EYS: variants seen among roughly 807,000 people sequenced by gnomAD.
EYS encodes EGF-like photoreceptor maintenance factor.
In EYS, 250 loss-of-function variants were observed where a neutral mutation model predicts 282.1. That is an observed-to-expected ratio of 0.89 (90% CI 0.80 to 0.98). The LOEUF (loss-of-function observed/expected upper bound fraction) is 0.98, where lower values mean the gene tolerates loss of function less well. EYS is among the 50% of genes least tolerant of loss of function. EYS has a pLI of 0.00. For synonymous variants in EYS, 1,355 were observed against 1,282.9 expected, an observed-to-expected ratio of 1.06 and a Z score of -1.20; for missense variants, 4,016 against 3,709.0, an observed-to-expected ratio of 1.08 and a Z score of -2.15.
chr6:64,629,216 T>C (rs1767704351), intron 22 of EYS, among the ~76,000 whole-genome samples: 1 of 152,156 alleles, frequency 6.6e-6, no homozygotes, highest in Non-Finnish European at 1.5e-5. Flanking sequence ...ATTCCCATGG[T>C]TACACTGGTG....
At chr6:64,019,940 A>G (rs1387549024) in intron 33 of EYS, among the ~76,000 whole-genome samples, 1 of 150,586 alleles carries the variant, frequency 6.6e-6, no homozygotes, top group African/African-American at 2.4e-5. Context: ...TTTGGGTTTA[A>G]CAAATACCTC....
intron 35 of EYS, among the ~76,000 whole-genome samples, chr6:63,936,312 C>T (rs1765055632): frequency 1.3e-5 from 2 of 152,226 alleles, no homozygotes; most frequent in African/African-American, 2.4e-5. Context: ...ATTCACTTGT[C>T]TCAGAATTCC....
At chr6:64,670,722 C>A (rs1403654237) in intron 22 of EYS, among the ~76,000 whole-genome samples, 1 of 152,100 alleles carries the variant, frequency 6.6e-6, no homozygotes, top group Non-Finnish European at 1.5e-5. Context: ...TGTCCTAGTG[C>A]CAAAAAATGG....
chr6:64,406,654 G>C (rs1013045093), intron 28 of EYS, among the ~76,000 whole-genome samples: 1 of 152,172 alleles, frequency 6.6e-6, no homozygotes, highest in Non-Finnish European at 1.5e-5. Flanking sequence ...CGAAGGATAT[G>C]AACAGACACT....
At chr6:65,499,901 G>A (rs1303359655) in intron 2 of EYS, among the ~76,000 whole-genome samples, 1 of 151,884 alleles carries the variant, frequency 6.6e-6, no homozygotes, top group African/African-American at 2.4e-5. Flanking sequence ...TCCTTCTTTA[G>A]TACACTGTCT....
intron 5 of EYS, among the ~76,000 whole-genome samples, chr6:65,482,283 A>G (rs964736127): frequency 3.9e-5 from 6 of 152,176 alleles, no homozygotes; most frequent in Non-Finnish European, 7.3e-5. Flanking sequence ...CATTTGCCAT[A>G]AATTATCATT....
Position 64,081,914 on chromosome 6 carries a change from T to A in EYS, c.6513A>T (p.Arg2171Ser). The A allele has an allele frequency of 1.3e-6, 2 of 1,542,270 alleles. No individual in the cohort carries two copies. The highest frequency in any genetic ancestry group is 1.8e-6 in the Non-Finnish European group (2 of 1,139,008). The change falls in exon 32 of 43, where the codon AGA becomes AGT. Residue 2171 changes from arginine (R) to serine (S), a missense_variant. Coordinates refer to ENST00000503581, the MANE Select transcript of EYS (RefSeq NM_001142800.2). ...LKFVLEKEHN[R>S]TVTIYLTIKT... ...TTATAGTCAAGTAGATGGTAACAGT[T>A]CTGTTATGTTCCTTCTCCAGGACAA...
Position 65,005,546 on chromosome 6 carries a change from C to T in EYS, c.2138-7843G>A, listed in dbSNP as rs1410291627. On this transcript the variant is annotated intron_variant, in intron 13 of 42. Transcript: ENST00000503581. ...AAGTGGTAATGTTGGACCACTTTCGCTTGCTATTCTGTCCTATCCTTCCTT... is the reference window on the plus strand; with the variant it reads ...AAGTGGTAATGTTGGACCACTTTCGTTTGCTATTCTGTCCTATCCTTCCTT... Among the ~76,000 whole-genome samples the T allele has an allele frequency of 1.4e-5, 2 of 147,470 alleles. 1 individual carries two copies. The highest frequency in any genetic ancestry group is 4.3e-4 in the East Asian group (2 of 4,678).
At chr6:63,742,954 C>G (rs746903110) in intron 41 of EYS, among the ~76,000 whole-genome samples, 1 of 151,826 alleles carries the variant, frequency 6.6e-6, no homozygotes, top group Non-Finnish European at 1.5e-5. Flanking sequence ...TTTGTGTGGA[C>G]GTAAGTTTTC....
intron 13 of EYS, among the ~76,000 whole-genome samples, chr6:65,028,538 T>G (rs1349441498): frequency 1.3e-5 from 2 of 152,052 alleles, no homozygotes; most frequent in East Asian, 3.8e-4. Context: ...ATTTTTAGTA[T>G]AGTTTTCACA....
intron 21 of EYS, 140 bp from the exon 22 acceptor site, chr6:64,813,717 T>TA (rs1191914936): frequency 7.3e-5 from 38 of 519,988 alleles, no homozygotes; most frequent in African/African-American, 6.2e-4. Context: ...TTAATTGAAA[T>TA]ATATGTTTAT....
chr6:64,151,317 T>TATA (rs1774704033), intron 31 of EYS, among the ~76,000 whole-genome samples: 28 of 52,424 alleles, frequency 5.3e-4, no homozygotes, highest in Admixed American at 7.9e-4. Context: ...GTGTGTATAT[T>TATA]TATATATATA....
intron 26 of EYS, among the ~76,000 whole-genome samples, chr6:64,472,154 T>A (rs1364731170): frequency 6.6e-6 from 1 of 152,192 alleles, no homozygotes; most frequent in African/African-American, 2.4e-5. Context: ...CAAATTAAAA[T>A]ACAAGTCAAA....
chr6:64,179,665 C>A (rs1764735430), intron 31 of EYS, among the ~76,000 whole-genome samples: 1 of 152,046 alleles, frequency 6.6e-6, no homozygotes, highest in African/African-American at 2.4e-5. Context: ...GTTATAAAAT[C>A]TTAAATTCTA....
intron 31 of EYS, among the ~76,000 whole-genome samples, chr6:64,213,008 A>T (rs1765826262): frequency 6.6e-6 from 1 of 152,140 alleles, no homozygotes; most frequent in Non-Finnish European, 1.5e-5. Context: ...CTAACACAGG[A>T]ACAGAAAACC....
At chr6:65,214,043 C>A (rs1441535371) in intron 12 of EYS, among the ~76,000 whole-genome samples, 1 of 151,392 alleles carries the variant, frequency 6.6e-6, no homozygotes, top group African/African-American at 2.4e-5. Flanking sequence ...CCTGTAGTCC[C>A]AGCTACTCGG....
At chr6:63,756,475 C>A (rs571671291) in intron 41 of EYS, among the ~76,000 whole-genome samples, 1 of 152,298 alleles carries the variant, frequency 6.6e-6, no homozygotes, top group African/African-American at 2.4e-5. Flanking sequence ...AGGGATGAAG[C>A]CAACTTGATC....
chr6:64,188,269 CAAAG>C (rs1211038923), intron 31 of EYS, among the ~76,000 whole-genome samples: 1 of 151,952 alleles, frequency 6.6e-6, no homozygotes, highest in Non-Finnish European at 1.5e-5. Flanking sequence ...GGTTTTAGCT[CAAAG>C]AAAATTTGCA....
chr6:64,053,846 C>A (rs1354002247), intron 33 of EYS, among the ~76,000 whole-genome samples: 12 of 152,068 alleles, frequency 7.9e-5, no homozygotes, highest in Non-Finnish European at 1.5e-5. Flanking sequence ...TAGGTTTGAG[C>A]CAATTTTCTA....
Sources: allele counts gnomAD v4.1 joint callset (sites outside exome capture counted in the v4.1 genomes callset), GRCh38; gene constraint gnomAD v4.1.1; transcripts MANE v1.5; gene names NCBI Gene and HGNC (gene_info 2026-07-23, HGNC 2026-07-21).